The following CAST variants were observed in gnomAD, a reference collection of about 807,000 sequenced individuals.
CAST encodes calpastatin.
In CAST, 76 loss-of-function variants were observed where a neutral mutation model predicts 119.6. The observed-to-expected ratio is 0.64, with a 90% CI of 0.53 to 0.77. The LOEUF is 0.77. CAST is among the 30% of genes least tolerant of loss of function. The pLI, the probability that CAST is intolerant of heterozygous loss-of-function variation, is 0.00. For synonymous variants in CAST, 319 were observed against 331.6 expected, an observed-to-expected ratio of 0.96 and a Z score of 0.41; for missense variants, 953 against 946.5, an observed-to-expected ratio of 1.01 and a Z score of -0.09.
the CAST span, among the ~76,000 whole-genome samples, chr5:96,230,254 G>A: frequency 3.3e-5 from 5 of 152,244 alleles, no homozygotes; most frequent in East Asian, 7.7e-4. Context: ...CCTAGGCAGA[G>A]GCACAAAGTC....
the CAST span, among the ~76,000 whole-genome samples, chr5:96,113,561 A>G: frequency 6.6e-6 from 1 of 152,246 alleles, no homozygotes; most frequent in African/African-American, 2.4e-5. Flanking sequence ...ACTTAGTGCC[A>G]TTAGGAACTT....
the CAST span, chr5:95,961,893 C>G: frequency 1.2e-6 from 1 of 842,738 alleles, no homozygotes; most frequent in Non-Finnish European, 1.7e-6. Flanking sequence ...GCCACCCGCC[C>G]CACCCTCCGG....
the CAST span, among the ~76,000 whole-genome samples, chr5:96,331,180 C>A: frequency 6.6e-6 from 1 of 152,162 alleles, no homozygotes; most frequent in Non-Finnish European, 1.5e-5. Context: ...GTCCTATCAC[C>A]TTATTTTACA....
the CAST span, among the ~76,000 whole-genome samples, chr5:96,110,242 T>C: frequency 0.04 from 6,128 of 152,274 alleles, 345 homozygotes; most frequent in African/African-American, 0.13. Flanking sequence ...ATCAGGTTTT[T>C]TCTCTTGTTT....
At chr5:95,980,757 TG>T in the CAST span, among the ~76,000 whole-genome samples, 1 of 152,270 alleles carries the variant, frequency 6.6e-6, no homozygotes, top group Non-Finnish European at 1.5e-5. Context: ...ACCCATTCCC[TG>T]GCAGGTGGCA....
the CAST span, among the ~76,000 whole-genome samples, chr5:96,148,264 C>T: frequency 6.6e-6 from 1 of 152,112 alleles, no homozygotes; most frequent in African/African-American, 2.4e-5. Context: ...TAATCAACAC[C>T]TCTGATATGT....
the CAST span, among the ~76,000 whole-genome samples, chr5:96,106,015 A>C: frequency 2.0e-5 from 3 of 152,042 alleles, no homozygotes; most frequent in Admixed American, 6.5e-5. Context: ...TTTGTAGTTT[A>C]TTTGCGTAGA....
chr5:96,370,416 A>T, the CAST span, among the ~76,000 whole-genome samples: 1 of 152,278 alleles, frequency 6.6e-6, no homozygotes, highest in Non-Finnish European at 1.5e-5. Flanking sequence ...TACTTTCTTG[A>T]AACTTTAAGC....
intron 1 of CAST, among the ~76,000 whole-genome samples, chr5:96,596,407 G>A (rs1747052009): frequency 6.6e-6 from 1 of 152,194 alleles, no homozygotes; most frequent in Non-Finnish European, 1.5e-5. Context: ...AGAACCTCCA[G>A]AAGGAACGAC....
the CAST span, among the ~76,000 whole-genome samples, chr5:96,387,610 T>G: frequency 6.6e-6 from 1 of 152,180 alleles, no homozygotes. Flanking sequence ...CAAAACAGAC[T>G]GGCATTAGGC....
At chr5:96,166,378 A>T in the CAST span, among the ~76,000 whole-genome samples, 2 of 152,154 alleles carry the variant, frequency 1.3e-5, no homozygotes, top group African/African-American at 4.8e-5. Flanking sequence ...ATTCCTGAAA[A>T]TTTAACAGTC....
chr5:96,491,613 G>A, the CAST span, among the ~76,000 whole-genome samples: 3 of 151,086 alleles, frequency 2.0e-5, no homozygotes, highest in Non-Finnish European at 4.4e-5. Flanking sequence ...GAAAACTGAC[G>A]GTATTTATTT....
chr5:96,545,939 C>T (rs1746002906), intron 1 of CAST, among the ~76,000 whole-genome samples: 1 of 152,200 alleles, frequency 6.6e-6, no homozygotes, highest in Non-Finnish European at 1.5e-5. Flanking sequence ...TTCTTTGTCA[C>T]CAGTTTCTCA....
the CAST span, among the ~76,000 whole-genome samples, chr5:96,028,510 A>T: frequency 6.6e-6 from 1 of 152,062 alleles, no homozygotes; most frequent in Admixed American, 6.6e-5. Context: ...TCAAAGATTT[A>T]TGGAGATAAT....
chr5:96,164,690 A>T, the CAST span, among the ~76,000 whole-genome samples: 4 of 152,260 alleles, frequency 2.6e-5, no homozygotes, highest in Non-Finnish European at 5.9e-5. Context: ...GAGCAACCAG[A>T]GTACAGAAGG....
chr5:96,408,698 T>C, the CAST span, among the ~76,000 whole-genome samples: 1 of 152,236 alleles, frequency 6.6e-6, no homozygotes, highest in Admixed American at 6.5e-5. Context: ...CTGGCATATT[T>C]AGAAATTCTG....
At chr5:96,513,856 A>G in the CAST span, among the ~76,000 whole-genome samples, 1 of 152,202 alleles carries the variant, frequency 6.6e-6, no homozygotes, top group Admixed American at 6.5e-5. Context: ...GCCCCACATC[A>G]AGATGTCTGC....
the CAST span, among the ~76,000 whole-genome samples, chr5:96,367,618 C>T: frequency 7.9e-5 from 12 of 152,224 alleles, no homozygotes; most frequent in Non-Finnish European, 1.3e-4. Flanking sequence ...TGGGACCCTC[C>T]GTGCCAGGCG....
chr5:96,330,775 G>GTAT, the CAST span, among the ~76,000 whole-genome samples: 3 of 152,272 alleles, frequency 2.0e-5, no homozygotes, highest in East Asian at 5.8e-4. Flanking sequence ...AACAGCAAAG[G>GTAT]TATTATGTCT....
Sources: allele counts gnomAD v4.1 joint callset (sites outside exome capture counted in the v4.1 genomes callset), GRCh38; gene constraint gnomAD v4.1.1; transcripts MANE v1.5; gene names NCBI Gene and HGNC (gene_info 2026-07-23, HGNC 2026-07-21).